CFAP65: variants seen among roughly 807,000 people sequenced by gnomAD.
The protein encoded by CFAP65 is cilia and flagella associated protein 65.
Under a neutral mutation model 208.0 loss-of-function variants are expected in CFAP65, and 155 were observed. The observed-to-expected ratio is 0.75, with a 90% CI of 0.65 to 0.85. The LOEUF is 0.85. CFAP65 is among the 40% of genes least tolerant of loss of function. The probability of loss-of-function intolerance (pLI) is 0.00; values close to 1 mark genes in which losing one functional copy is unlikely to be tolerated. For missense variants in CFAP65, 2,294 were observed against 2,451.3 expected, an observed-to-expected ratio of 0.94 and a Z score of 1.36; for synonymous variants, 970 against 986.3, an observed-to-expected ratio of 0.98 and a Z score of 0.31.
rs1351814530 is a variant in CFAP65, at chr2:219,013,936, G to C, written c.3711C>G (p.Leu1237=). 3.7e-6 allele frequency: 6 copies of C among 1,614,022 alleles called. 1 individual carries two copies. The highest frequency in any genetic ancestry group is 2.2e-5 in the South Asian group (2 of 91,058). ...LHQMRVQDNC[L]FSISPKAGSL... The stretch of plus-strand genomic sequence containing the variant: ...TCCCAGCCTTGGGGCTGATGGAGAA[G>C]AGGCAATTGTCCTGCACGCGCATCT... Residue 1237 remains leucine (L), a synonymous_variant, in exon 22 of 35, where the codon CTC becomes CTG. Coordinates refer to ENST00000341552, the MANE Select transcript of CFAP65 (RefSeq NM_194302.4).
At chr2:219,006,778 G>C (rs1475070557) in intron 29 of CFAP65, among the ~76,000 whole-genome samples, 1 of 149,586 alleles carries the variant, frequency 6.7e-6, no homozygotes, top group Non-Finnish European at 1.5e-5. Context: ...AGGTTGCAGT[G>C]AGCCAAGATG....
At chr2:219,024,806 T>G (rs1158476845) in intron 14 of CFAP65, among the ~76,000 whole-genome samples, 1 of 152,136 alleles carries the variant, frequency 6.6e-6, no homozygotes, top group Non-Finnish European at 1.5e-5. Flanking sequence ...TGTAGTGGCG[T>G]GCATCTGTAA....
At position 219,040,511 on chromosome 2, in the gene CFAP65, G is replaced by A. The variant is rs1353951948; in HGVS notation, c.-3+8C>T. The A allele has an allele frequency of 4.3e-6, 6 of 1,402,326 alleles. No homozygotes were observed. The East Asian group carries it at 1.2e-4, about 29-fold the overall frequency. 86.9% of individuals were successfully genotyped at this position (1,402,326 alleles called of 1,614,324 possible). A position where few individuals can be genotyped will look rare whatever the true frequency, so the allele number is the denominator to read the frequency against. Reference sequence around the variant, plus strand: ...CTAGGCACCAGACAAGGCAGGCAAGGCTCCTACCTCCAATTGTGAACTGGA... The same window carrying A: ...CTAGGCACCAGACAAGGCAGGCAAGACTCCTACCTCCAATTGTGAACTGGA... On this transcript the variant is annotated splice_region_variant and intron_variant, in intron 2 of 34. Transcript: ENST00000341552.
chr2:219,017,777 C>T (rs1409486355), intron 21 of CFAP65, among the ~76,000 whole-genome samples: 1 of 152,246 alleles, frequency 6.6e-6, no homozygotes. Flanking sequence ...CTGCCCCCAA[C>T]CCTCTCCCTG....
chr2:219,038,637 G>T, intron 3 of CFAP65, 59 bp from the exon 4 acceptor site: 1 of 1,464,122 alleles, frequency 6.8e-7, no homozygotes, highest in Non-Finnish European at 9.5e-7. Context: ...GAGGCTGAGG[G>T]AGGAGACTCT....
In CFAP65 at chr2:219,030,220, A is replaced by G. The variant is rs368183820; in HGVS notation, c.1162-12T>C. ...AAGGGGGCATTTACCTGTGTGGCCA[A>G]GCAGAAGGACAAAGGGTCAGGTCAC... On this transcript the variant is annotated splice_polypyrimidine_tract_variant and intron_variant, in intron 9 of 34. Transcript: ENST00000341552. The G allele has an allele frequency of 6.2e-7, 1 of 1,612,512 alleles. No homozygotes were observed. The highest frequency in any genetic ancestry group is 1.3e-5 in the African/African-American group (1 of 74,898).
At position 219,021,211 on chromosome 2, in the gene CFAP65, C is replaced by T. The variant is rs1049119071; in HGVS notation, c.3200G>A (p.Cys1067Tyr). The T allele has an allele frequency of 2.4e-5, 39 of 1,608,176 alleles. No individual in the cohort carries two copies. Among genetic ancestry groups the T allele is most frequent in the Non-Finnish European group, 3.1e-5 (36 of 1,177,046 alleles). Reference protein sequence around the residue: ...RSQDTICLTACPKQRSQYSWT... With the variant: ...RSQDTICLTAYPKQRSQYSWT... ...GGAGTACTGGGACCGCTGCTTGGGACAGGCAGTCAGGCAGATGGTGTCCTG... is the reference window on the plus strand; with the variant it reads ...GGAGTACTGGGACCGCTGCTTGGGATAGGCAGTCAGGCAGATGGTGTCCTG... Residue 1067 changes from cysteine to tyrosine, a missense_variant, in exon 19 of 35, where the codon TGT becomes TAT. Physicochemically the swap from Cys to Tyr is radical, Grantham distance 194. Transcript: ENST00000341552.
chr2:219,003,167 G>A lies in CFAP65; in HGVS notation c.5661C>T (p.Arg1887=). ...CGCAGAACGGCGGCAGGGCGATGACGCGTGGCCGCGAGGTGAGTACCACCT... is the reference window on the plus strand; with the variant it reads ...CGCAGAACGGCGGCAGGGCGATGACACGTGGCCGCGAGGTGAGTACCACCT... ...RGEVVLTSRP[R]VIALPPFCVP... The change falls in exon 34 of 35, where the codon CGC becomes CGT. Residue 1887 remains arginine, a synonymous_variant. Transcript: ENST00000341552. The surrounding 1 kb of genome is among the most constrained non-coding windows in gnomAD (Gnocchi z 4.4). 1.3e-6 allele frequency: 2 copies of A among 1,545,698 alleles called. No homozygotes were observed. The highest frequency in any genetic ancestry group is 1.7e-6 in the Non-Finnish European group (2 of 1,143,890).
rs1383501157 is a variant in CFAP65, at chr2:219,010,679, C to G, written c.4175G>C (p.Gly1392Ala). ...YTVDVPIHIL[G>A]WNSALIHFQG... ...GAAGTGGATGAGGGCCGAGTTCCATCCCAGGATGTGTATGGGCACGTCCAC... is the reference window on the plus strand; with the variant it reads ...GAAGTGGATGAGGGCCGAGTTCCATGCCAGGATGTGTATGGGCACGTCCAC... Residue 1392 changes from glycine to alanine, a missense_variant, in exon 26 of 35, where the codon GGA becomes GCA. Transcript: ENST00000341552. 3.1e-6 allele frequency: 5 copies of G among 1,609,902 alleles called. No individual in the cohort carries two copies. The highest frequency in any genetic ancestry group is 4.2e-6 in the Non-Finnish European group (5 of 1,178,620).
intron 27 of CFAP65, among the ~76,000 whole-genome samples, chr2:219,009,681 T>A (rs902032785): frequency 2.3e-5 from 1 of 43,386 alleles, no homozygotes; most frequent in African/African-American, 1.0e-4. Flanking sequence ...TGGGGTGGGG[T>A]GGGGTGGGGT....
intron 13 of CFAP65, 138 bp from the exon 14 acceptor site, chr2:219,026,297 G>C (rs1947627880): frequency 4.4e-6 from 4 of 908,306 alleles, no homozygotes; most frequent in Middle Eastern, 3.0e-4. Flanking sequence ...TGGGAAGACA[G>C]TGCAGAGAAC....
In CFAP65 at chr2:219,032,437, C is replaced by T. The variant is rs1324224617; in HGVS notation, c.645+33G>A. 1.9e-6 allele frequency: 3 copies of T among 1,540,998 alleles called. No individual in the cohort carries two copies. Among genetic ancestry groups the T allele is most frequent in the South Asian group, 2.4e-5 (2 of 83,634 alleles). On this transcript the variant is annotated intron_variant, in intron 6 of 34. Transcript: ENST00000341552. This position sits in a 1 kb window ranked among gnomAD's most constrained non-coding sequence, Gnocchi z 5.5. ...TTCTGAGGTCACTGCTCCCAGGTAC[C>T]TCCCTGCCCTCACTCGCTGTGGCAG...
At chr2:219,015,227 GCACACAACA>G (rs1235871528) in intron 21 of CFAP65, 2 of 147,084 alleles carry the variant, frequency 1.4e-5, no homozygotes, top group Non-Finnish European at 2.9e-5. Context: ...TGAGGAGAAT[GCACACAACA>G]CACACTTGAG....
chr2:219,019,236 C>A (rs1947110589), intron 20 of CFAP65, 57 bp from the exon 21 acceptor site: 1 of 1,541,556 alleles, frequency 6.5e-7, no homozygotes, highest in Non-Finnish European at 8.8e-7. Context: ...GCAGGGCCCT[C>A]CCAGGGATGG....
chr2:219,037,464 C>T (rs1253730056), intron 4 of CFAP65, among the ~76,000 whole-genome samples: 2 of 152,146 alleles, frequency 1.3e-5, no homozygotes, highest in Non-Finnish European at 2.9e-5. Flanking sequence ...AGTGAAGGAA[C>T]CTGGGAGTTG....
intron 9 of CFAP65, 33 bp downstream of exon 9, chr2:219,030,654 CGT>C (rs755794264): frequency 2.5e-6 from 4 of 1,601,596 alleles, no homozygotes; most frequent in Non-Finnish European, 3.4e-6. Context: ...ATCCTGGGGG[CGT>C]GAGTCCTGCC....
chr2:219,028,395 G>A lies in CFAP65; in HGVS notation c.1657C>T (p.Leu553=), dbSNP rs1947800144. The change falls in exon 12 of 35, where the codon CTG becomes TTG. Residue 553 remains leucine (L), a synonymous_variant. Transcript: ENST00000341552. The part of the protein sequence containing the change: ...VACLIHHQDP[L]FLDLMGTCHS... ...CAGGTCCCCATCAGGTCCAGGAACAGTGGGTCCTGTGACATTTGTCTGTGT... is the reference window on the plus strand; with the variant it reads ...CAGGTCCCCATCAGGTCCAGGAACAATGGGTCCTGTGACATTTGTCTGTGT... 1 of 1,612,766 alleles carries A rather than the reference G, an allele frequency of 6.2e-7. No homozygotes were observed. The highest frequency in any genetic ancestry group is 1.1e-5 in the South Asian group (1 of 91,004).
chr2:219,029,979 C>T lies in CFAP65; in HGVS notation c.1384+7G>A, dbSNP rs757232858. The T allele has an allele frequency of 1.2e-6, 2 of 1,613,384 alleles. No individual in the cohort carries two copies. Among genetic ancestry groups the T allele is most frequent in the Admixed American group, 1.7e-5 (1 of 60,012 alleles). ...TCCCCAGGGGAGGCCCCTGGGGTCACCGGTACCTCTACAGAAACCAACGAC... is the reference window on the plus strand; with the variant it reads ...TCCCCAGGGGAGGCCCCTGGGGTCATCGGTACCTCTACAGAAACCAACGAC... On this transcript the variant is annotated splice_region_variant and intron_variant, in intron 10 of 34. Coordinates refer to ENST00000341552, the MANE Select transcript of CFAP65 (RefSeq NM_194302.4).
At position 219,010,646 on chromosome 2, in the gene CFAP65, A is replaced by G. The variant is rs1946409466; in HGVS notation, c.4208T>C (p.Val1403Ala). 6.2e-7 allele frequency: 1 copy of G among 1,610,854 alleles called. No homozygotes were observed. Among genetic ancestry groups the G allele is most frequent in the Admixed American group, 1.7e-5 (1 of 59,402 alleles). Residue 1403 changes from valine (V) to alanine (A), a missense_variant, in exon 26 of 35, where the codon GTG becomes GCG. Val to Ala is a moderately conservative substitution (Grantham distance 64, BLOSUM62 0). Around this residue, in one of 2 missense-constraint regions of CFAP65, gnomAD observed 1,427 missense variants for 1,438.7 expected, o/e 0.99. Transcript: ENST00000341552. The part of the protein sequence containing the change: ...WNSALIHFQG[V>A]GYNPHMMGDT... ...CCCCATCATATGGGGGTTGTAGCCC[A>G]CTCCCTGGAAGTGGATGAGGGCCGA... is the stretch of plus-strand genomic sequence containing the variant.
Sources: allele counts gnomAD v4.1 joint callset (sites outside exome capture counted in the v4.1 genomes callset), GRCh38; gene constraint gnomAD v4.1.1; regional missense constraint gnomAD v4.1.1; non-coding constraint Gnocchi (gnomAD v3.1); transcripts MANE v1.5; gene names NCBI Gene and HGNC (gene_info 2026-07-23, HGNC 2026-07-21).